Variants in PPP2R1A observed in about 807,000 individuals in gnomAD.
The protein encoded by PPP2R1A is protein phosphatase 2 scaffold subunit Aalpha.
PPP2R1A carries 15 observed loss-of-function variants against 67.1 expected under a neutral mutation model. That is an observed-to-expected ratio of 0.22 (90% CI 0.15 to 0.34). PPP2R1A has a LOEUF of 0.34. PPP2R1A is among the 10% of genes least tolerant of loss of function. The probability of loss-of-function intolerance (pLI) is 1.00; values close to 1 mark genes in which losing one functional copy is unlikely to be tolerated. For missense variants in PPP2R1A, 369 were observed against 775.0 expected, an observed-to-expected ratio of 0.48 and a Z score of 6.22; for synonymous variants, 337 against 325.0, an observed-to-expected ratio of 1.04 and a Z score of -0.40.
intron 11 of PPP2R1A, 94 bp from the exon 12 acceptor site, chr19:52,220,885 T>G: frequency 6.9e-7 from 1 of 1,451,628 alleles, no homozygotes; most frequent in Non-Finnish European, 9.5e-7. Flanking sequence ...ACCTAGGGGC[T>G]GCTTTGTAAG....
At chr19:52,208,085 T>C (rs889399163) in intron 3 of PPP2R1A, among the ~76,000 whole-genome samples, 1 of 152,154 alleles carries the variant, frequency 6.6e-6, no homozygotes, top group African/African-American at 2.4e-5. Flanking sequence ...TCAGACCCAC[T>C]CCCGGCCCTT....
chr19:52,192,470 G>C (rs2089463334), intron 1 of PPP2R1A, among the ~76,000 whole-genome samples: 1 of 151,994 alleles, frequency 6.6e-6, no homozygotes, highest in Non-Finnish European at 1.5e-5. Context: ...ACCACGCCTG[G>C]CTGATTTTTG....
Position 52,220,275 on chromosome 19 carries a change from G to A in PPP2R1A, c.1363+26G>A, listed in dbSNP as rs761447423. On this transcript the variant is annotated intron_variant, in intron 11 of 14. Transcript: ENST00000322088. ...GTGAGTACCTTCACAGGAGCAGCAAGAGGAGATGGGAGCTCCAGAAAGGCA... is the reference window on the plus strand; with the variant it reads ...GTGAGTACCTTCACAGGAGCAGCAAAAGGAGATGGGAGCTCCAGAAAGGCA... 90 of 1,608,364 alleles carry A rather than the reference G, an allele frequency of 5.6e-5. 1 individual carries two copies. The highest frequency in any genetic ancestry group is 7.3e-5 in the Non-Finnish European group (86 of 1,175,398).
At chr19:52,209,559 T>C (rs1206566256) in intron 3 of PPP2R1A, among the ~76,000 whole-genome samples, 1 of 152,214 alleles carries the variant, frequency 6.6e-6, no homozygotes, top group African/African-American at 2.4e-5. Context: ...TATTTTAAAG[T>C]GTGTAGCTCT....
At chr19:52,215,545 C>A (rs1568595714) in intron 6 of PPP2R1A, among the ~76,000 whole-genome samples, 3 of 152,200 alleles carry the variant, frequency 2.0e-5, no homozygotes, top group Non-Finnish European at 4.4e-5. Flanking sequence ...GCTGACAACA[C>A]CGTGAGGTAG....
At position 52,225,878 on chromosome 19, in the gene PPP2R1A, A is replaced by C; in HGVS notation, c.1753+70A>C. 5 of 1,612,608 alleles carry C rather than the reference A, an allele frequency of 3.1e-6. No individual in the cohort carries two copies. The South Asian group carries it at 5.5e-5, about 18-fold the overall frequency. ...GAGGACAGGCACTGGGCCTGTGGGCAGCAGCTTCTGGGAGGGGGAGGTACC... is the reference window on the plus strand; with the variant it reads ...GAGGACAGGCACTGGGCCTGTGGGCCGCAGCTTCTGGGAGGGGGAGGTACC... On this transcript the variant is annotated intron_variant, in intron 14 of 14. Transcript: ENST00000322088.
At position 52,213,387 on chromosome 19, in the gene PPP2R1A, G is replaced by A. The variant is rs185193635; in HGVS notation, c.807+277G>A. 6.6e-5 allele frequency among the ~76,000 whole-genome samples: 10 copies of A among 151,776 alleles called. No homozygotes were observed. The highest frequency in any genetic ancestry group is 4.6e-4 in the Admixed American group (7 of 15,234). On this transcript the variant is annotated intron_variant, in intron 6 of 14. Transcript: ENST00000322088. The surrounding 1 kb of genome is among the most constrained non-coding windows in gnomAD (Gnocchi z 4.2). ...AGCAGAGAAGGGTAGCACATGTGGG[G>A]TGTTCCTGACATAATCAAGCTGTCC...
intron 3 of PPP2R1A, among the ~76,000 whole-genome samples, chr19:52,210,484 C>CTTTTTTTT (rs112983236): frequency 3.9e-5 from 5 of 126,970 alleles, no homozygotes; most frequent in Non-Finnish European, 6.6e-5. Flanking sequence ...GTTTTCTCTT[C>CTTTTTTTT]TTTTTTTTTT....
chr19:52,194,908 A>G (rs891597217), intron 1 of PPP2R1A, among the ~76,000 whole-genome samples: 19 of 152,272 alleles, frequency 1.2e-4, no homozygotes, highest in African/African-American at 4.1e-4. Flanking sequence ...CAAGTCAGCA[A>G]GTGCTAAAGC....
chr19:52,221,712 A>G (rs1978944286), intron 12 of PPP2R1A, among the ~76,000 whole-genome samples: 1 of 152,158 alleles, frequency 6.6e-6, no homozygotes, highest in African/African-American at 2.4e-5. Context: ...TCCTACGATT[A>G]TAATTATCTC....
In PPP2R1A at chr19:52,212,654, G is replaced by A. The variant is rs2122333838; in HGVS notation, c.504-32G>A. ...CTTGCTCCTCTCTGCCATACTGCCT[G>A]CTGCCTCAGGATCCCCGTCCCCGAC... On this transcript the variant is annotated intron_variant, in intron 4 of 14. Transcript: ENST00000322088. This position sits in a 1 kb window ranked among gnomAD's most constrained non-coding sequence, Gnocchi z 4.1. The A allele has an allele frequency of 6.2e-7, 1 of 1,606,304 alleles. No individual in the cohort carries two copies. The highest frequency in any genetic ancestry group is 1.7e-5 in the Admixed American group (1 of 59,904).
chr19:52,208,667 T>C (rs986183998), intron 3 of PPP2R1A, among the ~76,000 whole-genome samples: 1 of 152,030 alleles, frequency 6.6e-6, no homozygotes, highest in African/African-American at 2.4e-5. Flanking sequence ...GCCTGGCTAA[T>C]TTTTGTATTT....
chr19:52,199,525 C>T (rs10424348), intron 1 of PPP2R1A, among the ~76,000 whole-genome samples: 23,243 of 152,154 alleles, frequency 0.15, 1,845 homozygotes, highest in African/African-American at 0.19. Flanking sequence ...GGAAGACTAA[C>T]ACAAGGGTCA....
rs566093340 is a variant in PPP2R1A at position 52,227,031 on chromosome 19, T to C, written c.*1050T>C. On this transcript the variant is annotated 3_prime_UTR_variant, in exon 15 of 15. Coordinates refer to ENST00000322088, the MANE Select transcript of PPP2R1A (RefSeq NM_014225.6). ...TACTAGGGAGAGAACTGTGGCAAGATAGATCAGTTATCTCGGTATCTATTC... is the reference window on the plus strand; with the variant it reads ...TACTAGGGAGAGAACTGTGGCAAGACAGATCAGTTATCTCGGTATCTATTC... 2.6e-5 allele frequency: 4 copies of C among 152,300 alleles called. No individual in the cohort carries two copies. Among genetic ancestry groups the C allele is most frequent in the African/African-American group, 7.2e-5 (3 of 41,554 alleles). The allele number at this position is 152,300 out of a possible 1,614,324, so 9.4% of individuals were successfully genotyped here. A position where few individuals can be genotyped will look rare whatever the true frequency, so the allele number is the denominator to read the frequency against.
chr19:52,196,836 C>T lies in PPP2R1A; in HGVS notation c.79-5108C>T, dbSNP rs565404596. On this transcript the variant is annotated intron_variant, in intron 1 of 14. Transcript: ENST00000322088. ...TACCTCAGGTCCCCAAGTTGGCTGC[C>T]GAAGCCCCAACCATTATAGCTCCAT... 3.9e-5 allele frequency among the ~76,000 whole-genome samples: 6 copies of T among 152,224 alleles called. No individual in the cohort carries two copies. In the East Asian group the frequency reaches 9.7e-4, roughly 25 times the overall value.
rs1393187374 is a variant in PPP2R1A at position 52,211,818 on chromosome 19, A to G, written c.503+326A>G. Reference sequence around the variant, plus strand: ...ATCTGGAACATAAAAACTTTCAGCAACTTACATCTGATGGTATCTCCAGCC... The same window carrying G: ...ATCTGGAACATAAAAACTTTCAGCAGCTTACATCTGATGGTATCTCCAGCC... On this transcript the variant is annotated intron_variant, in intron 4 of 14. Coordinates refer to ENST00000322088, the MANE Select transcript of PPP2R1A (RefSeq NM_014225.6). The surrounding 1 kb of genome is among the most constrained non-coding windows in gnomAD (Gnocchi z 5.3). 3 of 349,400 alleles carry G rather than the reference A, an allele frequency of 8.6e-6. No individual in the cohort carries two copies. The highest frequency in any genetic ancestry group is 4.6e-5 in the Admixed American group (1 of 21,974). 21.6% of individuals were successfully genotyped at this position (349,400 alleles called of 1,614,324 possible).
chr19:52,206,210 G>A, intron 3 of PPP2R1A, 147 bp downstream of exon 3: 1 of 659,166 alleles, frequency 1.5e-6, no homozygotes, highest in East Asian at 2.8e-5. Context: ...AATCCAACAA[G>A]TCAGGAGTGG....
chr19:52,201,041 G>A (rs1368010158), intron 1 of PPP2R1A: 3 of 151,048 alleles, frequency 2.0e-5, no homozygotes, highest in Non-Finnish European at 4.4e-5. Context: ...TGGATTCAAG[G>A]CTAACCCTCC....
Position 52,190,056 on chromosome 19 carries a change from C to G in PPP2R1A, c.-41C>G, listed in dbSNP as rs950708823. The G allele has an allele frequency of 6.6e-7, 1 of 1,511,544 alleles. No individual in the cohort carries two copies. The highest frequency in any genetic ancestry group is 1.4e-5 in the African/African-American group (1 of 70,646). 93.6% of individuals were successfully genotyped at this position (1,511,544 alleles called of 1,614,324 possible). On this transcript the variant is annotated 5_prime_UTR_variant, in exon 1 of 15. Transcript: ENST00000322088. The stretch of plus-strand genomic sequence containing the variant: ...GCATTGCCCCCCCCACGTTTCAGCA[C>G]AGCGCTGGCCGCAGTCTGACAGGAA...
Sources: allele counts gnomAD v4.1 joint callset (sites outside exome capture counted in the v4.1 genomes callset), GRCh38; gene constraint gnomAD v4.1.1; non-coding constraint Gnocchi (gnomAD v3.1); transcripts MANE v1.5; gene names NCBI Gene and HGNC (gene_info 2026-07-23, HGNC 2026-07-21).